Variants in USP28 observed in about 807,000 individuals in gnomAD.
The protein encoded by USP28 is ubiquitin carboxyl-terminal hydrolase 28.
USP28 carries 113 observed loss-of-function variants against 145.0 expected under a neutral mutation model. That is an observed-to-expected ratio of 0.78 (90% CI 0.67 to 0.91). The LOEUF is 0.91. Among genes scored for constraint, USP28 ranks in the 40% least tolerant of loss-of-function variants. The probability of loss-of-function intolerance (pLI) is 0.00; values close to 1 mark genes in which losing one functional copy is unlikely to be tolerated. For synonymous variants in USP28, 447 were observed against 450.9 expected, an observed-to-expected ratio of 0.99 and a Z score of 0.11; for missense variants, 1,201 against 1,289.6, an observed-to-expected ratio of 0.93 and a Z score of 1.05.
intron 24 of USP28, among the ~76,000 whole-genome samples, chr11:113,800,412 C>T (rs976116899): frequency 2.0e-5 from 3 of 152,098 alleles, no homozygotes; most frequent in Non-Finnish European, 4.4e-5. Context: ...AAGCAATCCT[C>T]TCACCTCAGG....
chr11:113,825,958 C>T (rs957948728), intron 11 of USP28, among the ~76,000 whole-genome samples: 1 of 151,934 alleles, frequency 6.6e-6, no homozygotes, highest in Non-Finnish European at 1.5e-5. Flanking sequence ...TGGTTATATG[C>T]CTAAAAATAA....
rs987908654 is a variant in USP28, at chr11:113,865,925, G to A, written c.57+9520C>T. ...GCTGATGTACTTTTCTGCATCAAAG[G>A]GCATTATCAAGAAAGTGAAAAGACA... On this transcript the variant is annotated intron_variant, in intron 1 of 24. Transcript: ENST00000003302. 2.0e-5 allele frequency among the ~76,000 whole-genome samples: 3 copies of A among 152,094 alleles called. No homozygotes were observed. In the South Asian group the frequency reaches 6.2e-4, roughly 31 times the overall value.
chr11:113,840,681 G>T, exon 5 of USP28: 1 of 1,614,206 alleles, frequency 6.2e-7, no homozygotes, highest in South Asian at 1.1e-5. Flanking sequence ...CAGTCATTGG[G>T]ATTGGGGTTT....
At chr11:113,798,483 C>G (rs1633550) in exon 25 of USP28, 11,918 of 152,294 alleles carry the variant, frequency 0.078, 635 homozygotes, top group Non-Finnish European at 0.11. Context: ...GCCCTATTGA[C>G]TGTTTTTGAC....
chr11:113,823,841 G>A (rs1942984251), intron 11 of USP28, 141 bp from the exon 12 acceptor site: 2 of 561,370 alleles, frequency 3.6e-6, no homozygotes, highest in South Asian at 4.0e-5. Context: ...GCATACTCAA[G>A]GTTAAAACTG....
At chr11:113,821,256 G>T in intron 12 of USP28, 1 of 220,896 alleles carries the variant, frequency 4.5e-6, no homozygotes. Flanking sequence ...AGTGTGGCCA[G>T]GGGGAAGGAT....
At chr11:113,823,472 A>G in intron 12 of USP28, 133 bp downstream of exon 12, 1 of 730,886 alleles carries the variant, frequency 1.4e-6, no homozygotes, top group Non-Finnish European at 2.2e-6. Context: ...ACACTTAGAC[A>G]AAAAATTTTC....
chr11:113,841,762 A>G (rs1171448532), exon 4 of USP28: 13 of 1,609,998 alleles, frequency 8.1e-6, no homozygotes, highest in African/African-American at 2.7e-5. Context: ...AGTAAGGTCT[A>G]TAACTTCTGT....
At chr11:113,819,933 G>C (rs1942354606) in intron 12 of USP28, among the ~76,000 whole-genome samples, 1 of 152,104 alleles carries the variant, frequency 6.6e-6, no homozygotes, top group Non-Finnish European at 1.5e-5. Context: ...TGGTCAGGCG[G>C]GTCTGGAACT....
At chr11:113,872,444 G>A (rs1287463976) in intron 1 of USP28, among the ~76,000 whole-genome samples, 11 of 150,622 alleles carry the variant, frequency 7.3e-5, no homozygotes, top group African/African-American at 2.7e-4. Context: ...CAGAGATCGC[G>A]CCACTGCACT....
At chr11:113,860,442 CAA>C (rs4020501) in intron 1 of USP28, among the ~76,000 whole-genome samples, 176 of 134,528 alleles carry the variant, frequency 1.3e-3, no homozygotes, top group Non-Finnish European at 1.6e-3. Context: ...CCAAGGGAAG[CAA>C]AAAAAAAAAA....
intron 21 of USP28, 52 bp from the exon 23 acceptor site, chr11:113,803,929 G>T: frequency 6.7e-7 from 1 of 1,490,650 alleles, no homozygotes; most frequent in Non-Finnish European, 9.3e-7. Context: ...GATTGTTAGT[G>T]TCCTTCCCAT....
At chr11:113,827,940 C>G (rs17116046) in intron 10 of USP28, among the ~76,000 whole-genome samples, 1,541 of 152,212 alleles carry the variant, frequency 0.01, 34 homozygotes, top group African/African-American at 0.036. Context: ...CTCTGAATTT[C>G]AAAAACTTAC....
chr11:113,816,003 T>C lies in USP28; in HGVS notation c.1464-621A>G, dbSNP rs1421097915. Among the ~76,000 whole-genome samples the C allele has an allele frequency of 2.0e-5, 3 of 152,226 alleles. No individual in the cohort carries two copies. The East Asian group carries it at 5.8e-4, about 29-fold the overall frequency. ...AAATACCCAAGGAAAAAAGTATTAA[T>C]ATCTCATCTACAAAATATAAATCTT... On this transcript the variant is annotated intron_variant, in intron 13 of 24. Coordinates refer to ENST00000003302, the Ensembl canonical transcript of USP28.
chr11:113,802,175 T>C (rs544710900), intron 23 of USP28, among the ~76,000 whole-genome samples: 1 of 152,232 alleles, frequency 6.6e-6, no homozygotes. Context: ...TAAATCCCTA[T>C]AATTGCATTA....
intron 5 of USP28, among the ~76,000 whole-genome samples, chr11:113,834,728 G>C (rs1420499035): frequency 6.6e-6 from 1 of 151,936 alleles, no homozygotes; most frequent in African/African-American, 2.4e-5. Context: ...AAAAGAAGTA[G>C]TTTATATAAA....
intron 8 of USP28, 124 bp from the exon 9 acceptor site, chr11:113,831,067 A>T: frequency 3.4e-6 from 3 of 870,008 alleles, no homozygotes; most frequent in Non-Finnish European, 5.7e-6. Context: ...GCCAGGTATG[A>T]TCTAAATAAG....
At chr11:113,847,345 T>C (rs932387828) in intron 3 of USP28, among the ~76,000 whole-genome samples, 2 of 148,486 alleles carry the variant, frequency 1.3e-5, no homozygotes, top group African/African-American at 5.0e-5. Context: ...GAAAAATCCA[T>C]TGAAAGATAC....
At chr11:113,840,831 A>T (rs1478190028) in intron 4 of USP28, 74 bp from the exon 5 acceptor site, 1 of 1,504,758 alleles carries the variant, frequency 6.6e-7, no homozygotes, top group Non-Finnish European at 8.9e-7. Flanking sequence ...AGGATGCTAT[A>T]ACTTTTCGTG....
Sources: gnomAD v4.1 joint callset for allele counts (sites outside exome capture counted in the v4.1 genomes callset) on GRCh38, gnomAD v4.1.1 for gene constraint, MANE v1.5 for transcripts, NCBI Gene and HGNC (gene_info 2026-07-23, HGNC 2026-07-21) for gene names.